The following SYN3 variants were observed in gnomAD, a reference collection of about 807,000 sequenced individuals.
SYN3 encodes synapsin-3.
In SYN3, 35 loss-of-function variants were observed where a neutral mutation model predicts 65.8. The observed-to-expected ratio is 0.53, with a 90% CI of 0.41 to 0.70. The LOEUF (loss-of-function observed/expected upper bound fraction) is 0.70. SYN3 is among the 30% of genes least tolerant of loss of function. The pLI, the probability that SYN3 is intolerant of heterozygous loss-of-function variation, is 0.00. For missense variants in SYN3, 680 were observed against 749.0 expected (o/e 0.91, Z 1.08); for synonymous variants, 270 against 292.9 (o/e 0.92, Z 0.80).
chr22:32,598,320 A>C (rs1411191313), intron 6 of SYN3, among the ~76,000 whole-genome samples: 2 of 152,222 alleles, frequency 1.3e-5, no homozygotes, highest in Non-Finnish European at 2.9e-5. Context: ...CTTAGAAGGC[A>C]ACCAGGGAAA....
At chr22:32,861,283 C>T (rs1045457216) in intron 6 of SYN3, 13 of 152,356 alleles carry the variant, frequency 8.5e-5, no homozygotes, top group African/African-American at 2.7e-4. Flanking sequence ...GTACCGGCAT[C>T]GGGTTTCCTT....
At chr22:32,696,389 G>A (rs954101833) in intron 6 of SYN3, among the ~76,000 whole-genome samples, 1 of 152,198 alleles carries the variant, frequency 6.6e-6, no homozygotes, top group Non-Finnish European at 1.5e-5. Context: ...CTCTATTATG[G>A]AAAGACAGGA....
intron 1 of SYN3, among the ~76,000 whole-genome samples, chr22:33,033,912 C>CGGTGGTT (rs1238046977): frequency 6.6e-6 from 1 of 151,972 alleles, no homozygotes; most frequent in African/African-American, 2.4e-5. Context: ...TAGCCAGGCA[C>CGGTGGTT]GGTGGTTCAC....
At chr22:32,933,674 G>A (rs552900100) in intron 3 of SYN3, among the ~76,000 whole-genome samples, 25 of 152,146 alleles carry the variant, frequency 1.6e-4, no homozygotes, top group African/African-American at 5.3e-4. Context: ...TCCTGACCTC[G>A]TGATCCGCCC....
intron 1 of SYN3, among the ~76,000 whole-genome samples, chr22:33,027,655 GAAAAGAAAGAAAA>G (rs2053661869): frequency 4.3e-4 from 65 of 150,952 alleles, no homozygotes; most frequent in South Asian, 8.4e-4. Context: ...GAGAGAGAAA[GAAAAGAAAGAAAA>G]AGAAAGAAAA....
At chr22:33,054,077 T>A (rs2054215951) in intron 1 of SYN3, among the ~76,000 whole-genome samples, 1 of 152,186 alleles carries the variant, frequency 6.6e-6, no homozygotes, top group Admixed American at 6.5e-5. Flanking sequence ...ATGAGGACAA[T>A]CGCATCTCCT....
chr22:33,030,264 G>A (rs1395117655), intron 1 of SYN3, among the ~76,000 whole-genome samples: 2 of 152,216 alleles, frequency 1.3e-5, no homozygotes, highest in African/African-American at 4.8e-5. Context: ...AAAACACACG[G>A]TGCCAAATAA....
At chr22:32,983,616 AT>A (rs71696969) in intron 2 of SYN3, among the ~76,000 whole-genome samples, 37,275 of 150,748 alleles carry the variant, frequency 0.25, 4,749 homozygotes, top group Middle Eastern at 0.27. Context: ...CAAGATTTTG[AT>A]TTTTTTTTTC....
chr22:33,018,395 G>A (rs2053505105), intron 1 of SYN3, among the ~76,000 whole-genome samples: 1 of 152,208 alleles, frequency 6.6e-6, no homozygotes, highest in Non-Finnish European at 1.5e-5. Context: ...GAACCCAGTA[G>A]GCCCCGTGGG....
intron 6 of SYN3, among the ~76,000 whole-genome samples, chr22:32,850,441 C>T (rs562544146): frequency 6.6e-6 from 1 of 152,236 alleles, no homozygotes; most frequent in Admixed American, 6.5e-5. Context: ...GAAGGGTGTA[C>T]TGGTGATTGC....
chr22:32,602,788 C>T (rs943888049), intron 6 of SYN3, among the ~76,000 whole-genome samples: 10 of 151,876 alleles, frequency 6.6e-5, no homozygotes, highest in African/African-American at 2.4e-4. Flanking sequence ...AATAGCTGCA[C>T]CGTCTACACA....
chr22:32,636,450 G>A (rs2059818627), intron 6 of SYN3, among the ~76,000 whole-genome samples: 1 of 151,628 alleles, frequency 6.6e-6, no homozygotes, highest in Non-Finnish European at 1.5e-5. Context: ...CCATTTTGCT[G>A]GAACTGCTGT....
chr22:33,001,252 C>G (rs2053051426), intron 2 of SYN3, among the ~76,000 whole-genome samples: 1 of 152,172 alleles, frequency 6.6e-6, no homozygotes, highest in African/African-American at 2.4e-5. Flanking sequence ...AAAAACTCCT[C>G]TGGCCAAAGC....
At chr22:32,747,604 A>T (rs766930621) in intron 6 of SYN3, among the ~76,000 whole-genome samples, 4 of 152,228 alleles carry the variant, frequency 2.6e-5, no homozygotes, top group Non-Finnish European at 5.9e-5. Flanking sequence ...ATAAGGAACC[A>T]ACTAAAAATC....
At chr22:32,871,926 C>G (rs1008336399) in intron 4 of SYN3, among the ~76,000 whole-genome samples, 9 of 152,060 alleles carry the variant, frequency 5.9e-5, no homozygotes, top group African/African-American at 1.9e-4. Context: ...CCCTACCCAG[C>G]CTTCCATCCT....
In SYN3 at chr22:32,804,796, A is replaced by G. The variant is rs754093621; in HGVS notation, c.711+60119T>C. 5.9e-4 allele frequency among the ~76,000 whole-genome samples: 90 copies of G among 152,278 alleles called. 1 individual carries two copies. Among genetic ancestry groups the G allele is most frequent in the Non-Finnish European group, 6.8e-4 (46 of 68,024 alleles). On this transcript the variant is annotated intron_variant, in intron 6 of 13. Coordinates refer to ENST00000358763, the MANE Select transcript of SYN3 (RefSeq NM_003490.4). ...AACTACATGCCGGCTTATAAGACAC[A>G]CTGTGGGGGAAAGAAAGGGACTTGG...
chr22:32,609,809 C>T (rs938012658), intron 6 of SYN3, among the ~76,000 whole-genome samples: 1 of 152,018 alleles, frequency 6.6e-6, no homozygotes, highest in African/African-American at 2.4e-5. Context: ...GGTTTTTATC[C>T]TGTAAATCTT....
chr22:32,716,738 G>A (rs1026035773), intron 6 of SYN3, among the ~76,000 whole-genome samples: 14 of 152,056 alleles, frequency 9.2e-5, no homozygotes, highest in African/African-American at 3.1e-4. Context: ...GCCCAGGCTG[G>A]TCTCGAATTC....
At chr22:32,889,656 T>C (rs771826976) in intron 4 of SYN3, among the ~76,000 whole-genome samples, 12 of 152,146 alleles carry the variant, frequency 7.9e-5, no homozygotes, top group Non-Finnish European at 1.6e-4. Flanking sequence ...ATATATGCCA[T>C]TCTGTAATCT....
Sources: allele counts gnomAD v4.1 joint callset (sites outside exome capture counted in the v4.1 genomes callset), GRCh38; gene constraint gnomAD v4.1.1; transcripts MANE v1.5; gene names NCBI Gene and HGNC (gene_info 2026-07-23, HGNC 2026-07-21).